Variants in RORC observed in about 807,000 individuals in gnomAD.
RORC encodes the protein nuclear receptor ROR-gamma.
In RORC, 13 loss-of-function variants were observed where a neutral mutation model predicts 64.5. The ratio of observed to expected loss-of-function variants is 0.20; its 90% CI spans 0.13 to 0.32. The LOEUF (loss-of-function observed/expected upper bound fraction) is 0.32, where lower values mean the gene tolerates loss of function less well. RORC is among the 10% of genes least tolerant of loss of function. The probability of loss-of-function intolerance (pLI) is 1.00; values close to 1 mark genes in which losing one functional copy is unlikely to be tolerated. For synonymous variants in RORC, 277 were observed against 259.3 expected, an observed-to-expected ratio of 1.07 and a Z score of -0.65; for missense variants, 468 against 669.5, an observed-to-expected ratio of 0.70 and a Z score of 3.32.
In RORC at chr1:151,814,959, A is replaced by C. The variant is rs201127800; in HGVS notation, c.765T>G (p.Ser255Arg). ...AGGGTGCCTCCGGTGTGCTGCGGAA[A>C]CTGGGGCTGCCGTAGCTGTCTGGGC... ...GQGPDSYGSP[S>R]FRSTPEAPYA... Residue 255 changes from serine (S) to arginine (R), a missense_variant, in exon 5 of 11, where the codon AGT becomes AGG. By Grantham distance (110) the Ser-to-Arg change is moderately radical. Coordinates refer to ENST00000318247, the MANE Select transcript of RORC (RefSeq NM_005060.4). 4.3e-6 allele frequency: 7 copies of C among 1,614,114 alleles called. No homozygotes were observed. The highest frequency in any genetic ancestry group is 5.9e-6 in the Non-Finnish European group (7 of 1,180,000).
chr1:151,816,974 C>T (rs1483544083), intron 3 of RORC, among the ~76,000 whole-genome samples, 169 bp from the exon 4 acceptor site: 1 of 152,162 alleles, frequency 6.6e-6, no homozygotes, highest in African/African-American at 2.4e-5. Flanking sequence ...AGTCATTTCC[C>T]CAGCTTAAGA....
At chr1:151,831,148 C>T (rs1455545666) in intron 1 of RORC, 2 of 1,262,982 alleles carry the variant, frequency 1.6e-6, no homozygotes, top group Admixed American at 4.8e-5. Flanking sequence ...GAGATGAAAT[C>T]CCACATCCCT....
In RORC at chr1:151,811,439, A is replaced by G. The variant is rs572976073; in HGVS notation, c.1286-5T>C. On this transcript the variant is annotated splice_polypyrimidine_tract_variant and splice_region_variant and intron_variant, in intron 9 of 10. Transcript: ENST00000318247. ...TCTCTTGGAGCCCTGGCCGATCTGGAGGAGGGGGTGGGACCGTAATGAGAA... is the reference window on the plus strand; with the variant it reads ...TCTCTTGGAGCCCTGGCCGATCTGGGGGAGGGGGTGGGACCGTAATGAGAA... The G allele has an allele frequency of 6.3e-7, 1 of 1,586,514 alleles. No individual in the cohort carries two copies. The highest frequency in any genetic ancestry group is 1.1e-5 in the South Asian group (1 of 90,242).
In RORC at chr1:151,826,560, G is replaced by A. The variant is rs1010071754; in HGVS notation, c.70+2869C>T. On this transcript the variant is annotated intron_variant, in intron 2 of 10. Transcript: ENST00000318247. ...TGGGGGGCTGTCCCACCACTCCCATGCCCACGCTCCTCCCTGCAGACACCA... is the reference window on the plus strand; with the variant it reads ...TGGGGGGCTGTCCCACCACTCCCATACCCACGCTCCTCCCTGCAGACACCA... Among the ~76,000 whole-genome samples, 11 of 152,172 alleles carry A rather than the reference G, an allele frequency of 7.2e-5. No individual in the cohort carries two copies. The East Asian group carries it at 2.1e-3, about 29-fold the overall frequency.
chr1:151,829,975 A>G (rs768107964), intron 1 of RORC, among the ~76,000 whole-genome samples: 1 of 152,176 alleles, frequency 6.6e-6, no homozygotes, highest in Non-Finnish European at 1.5e-5. Flanking sequence ...TGTTGGTCTT[A>G]TTTACTTTGT....
At chr1:151,809,643 T>C (rs1572033810) in intron 10 of RORC, among the ~76,000 whole-genome samples, 1 of 152,068 alleles carries the variant, frequency 6.6e-6, no homozygotes, top group East Asian at 1.9e-4. Flanking sequence ...TGAAAGCAGA[T>C]CCAACCGGAT....
chr1:151,830,910 G>A lies in RORC; in HGVS notation c.40+815C>T, dbSNP rs1208542556. ...CACCTCAGAGCAGTCCTGTGGTGGG[G>A]GTGCTCCCCTTGCTCACCCAGGCAG... On this transcript the variant is annotated intron_variant, in intron 1 of 10. Transcript: ENST00000318247. This position sits in a 1 kb window ranked among gnomAD's most constrained non-coding sequence, Gnocchi z 4.0. The A allele has an allele frequency of 7.8e-7, 1 of 1,284,094 alleles. No homozygotes were observed. The allele number at this position is 1,284,094 out of a possible 1,614,324, so 79.5% of individuals were successfully genotyped here.
At position 151,814,802 on chromosome 1, in the gene RORC, C is replaced by A. The variant is rs1323281283; in HGVS notation, c.812-107G>T. On this transcript the variant is annotated intron_variant, in intron 5 of 10. Coordinates refer to ENST00000318247, the MANE Select transcript of RORC (RefSeq NM_005060.4). ...TATCCTGCTCCGCCTCCTCCCTCCG[C>A]CCCTCGTCTGGACCCCTCAATTCCC... The A allele has an allele frequency of 2.6e-6, 4 of 1,543,078 alleles. No individual in the cohort carries two copies. In the African/African-American group the frequency reaches 4.1e-5, roughly 16 times the overall value.
intron 6 of RORC, 96 bp downstream of exon 6, chr1:151,814,478 C>A: frequency 2.2e-6 from 3 of 1,364,708 alleles, no homozygotes; most frequent in Non-Finnish European, 2.0e-6. Flanking sequence ...TGATGTCCCG[C>A]CCTGCCCCAG....
chr1:151,814,901 C>T lies in RORC; in HGVS notation c.811+12G>A, dbSNP rs1284912955. 2.5e-6 allele frequency: 4 copies of T among 1,607,940 alleles called. No homozygotes were observed. The highest frequency in any genetic ancestry group is 3.4e-6 in the Non-Finnish European group (4 of 1,176,010). On this transcript the variant is annotated intron_variant, in intron 5 of 10. Transcript: ENST00000318247. ...CATCTCTACCACCCTCTCCACCTCC[C>T]CAGCTGCTCACCTATCTCTGTCAGG...
chr1:151,806,439 C>T lies in RORC; in HGVS notation c.*1033G>A, dbSNP rs201953866. 1.7e-3 allele frequency: 258 copies of T among 153,356 alleles called. 6 individuals carry two copies. The highest frequency in any genetic ancestry group is 5.7e-4 in the Non-Finnish European group (39 of 68,042). The allele number at this position is 153,356 out of a possible 1,614,324, so 9.5% of individuals were successfully genotyped here. A position where few individuals can be genotyped will look rare whatever the true frequency, so the allele number is the denominator to read the frequency against. ...GATCTTGCCTTCCGACTGACCAGTG[C>T]GAGCGACTTCTGCTTCTCTTGGGTC... On this transcript the variant is annotated 3_prime_UTR_variant, in exon 11 of 11. Coordinates refer to ENST00000318247, the MANE Select transcript of RORC (RefSeq NM_005060.4).
intron 4 of RORC, among the ~76,000 whole-genome samples, chr1:151,815,805 G>C (rs1651733417): frequency 6.6e-6 from 1 of 152,204 alleles, no homozygotes. Context: ...GGGAGGGTCG[G>C]AGGAAGAGGA....
At chr1:151,822,774 C>T (rs1232625420) in intron 2 of RORC, among the ~76,000 whole-genome samples, 3 of 152,374 alleles carry the variant, frequency 2.0e-5, no homozygotes, top group Admixed American at 2.0e-4. Context: ...ACTGTCCCTC[C>T]CCCGAAATAG....
intron 2 of RORC, among the ~76,000 whole-genome samples, chr1:151,821,569 A>T (rs1288289577): frequency 6.6e-6 from 1 of 152,210 alleles, no homozygotes; most frequent in Non-Finnish European, 1.5e-5. Flanking sequence ...TATCATCCTC[A>T]TCTTACAGAT....
intron 2 of RORC, among the ~76,000 whole-genome samples, chr1:151,819,793 G>A (rs936967134): frequency 1.3e-5 from 2 of 152,034 alleles, no homozygotes; most frequent in African/African-American, 4.8e-5. Flanking sequence ...AGGAAGATGC[G>A]GCCAGTCAAG....
rs1651375582 is a variant in RORC, at chr1:151,807,885, A to G, written c.1396-252T>C. Among the ~76,000 whole-genome samples, 1 of 152,198 alleles carries G rather than the reference A, an allele frequency of 6.6e-6. No individual in the cohort carries two copies. The highest frequency in any genetic ancestry group is 2.4e-5 in the African/African-American group (1 of 41,440). The stretch of plus-strand genomic sequence containing the variant: ...CTCAATTTATGTTCCCAATACTTCT[A>G]GAATGAACCTTGTCAAAGACTCTAA... On this transcript the variant is annotated intron_variant, in intron 10 of 10. Transcript: ENST00000318247. The surrounding 1 kb of genome is among the most constrained non-coding windows in gnomAD (Gnocchi z 5.0).
chr1:151,826,429 C>G (rs191887626), intron 2 of RORC, among the ~76,000 whole-genome samples: 1 of 152,298 alleles, frequency 6.6e-6, no homozygotes, highest in South Asian at 2.1e-4. Context: ...ACTTCAGGGA[C>G]AGGGATGTTT....
chr1:151,817,775 G>A (rs73009617), intron 2 of RORC, among the ~76,000 whole-genome samples: 4,073 of 152,270 alleles, frequency 0.027, 194 homozygotes, highest in African/African-American at 0.094. Flanking sequence ...AGAGATGCCA[G>A]TCCTTCCCAG....
chr1:151,818,684 G>T (rs545934722), intron 2 of RORC, among the ~76,000 whole-genome samples: 20 of 152,324 alleles, frequency 1.3e-4, no homozygotes, highest in African/African-American at 4.8e-4. Context: ...GGCGGGACAG[G>T]CCAGAAAAGT....
Sources: allele counts gnomAD v4.1 joint callset (sites outside exome capture counted in the v4.1 genomes callset), GRCh38; gene constraint gnomAD v4.1.1; non-coding constraint Gnocchi (gnomAD v3.1); transcripts MANE v1.5; gene names NCBI Gene and HGNC (gene_info 2026-07-23, HGNC 2026-07-21).